The following ZNF174 variants were observed in gnomAD, a reference collection of about 807,000 sequenced individuals.
ZNF174 encodes the protein AW-1.
Under a neutral mutation model 38.7 loss-of-function variants are expected in ZNF174, and 30 were observed. That is an observed-to-expected ratio of 0.78 (90% CI 0.58 to 1.05). The LOEUF (loss-of-function observed/expected upper bound fraction) is 1.05, where lower values mean the gene tolerates loss of function less well. Ranked by LOEUF, ZNF174 falls within the 50% of genes least tolerant of loss-of-function variation. ZNF174 has a pLI of 0.00. For synonymous variants in ZNF174, 201 were observed against 181.7 expected (o/e 1.11, Z -0.86); for missense variants, 499 against 495.6 (o/e 1.01, Z -0.06).
intron 1 of ZNF174, among the ~76,000 whole-genome samples, chr16:3,403,712 C>T (rs1002508974): frequency 1.3e-5 from 2 of 152,042 alleles, no homozygotes; most frequent in African/African-American, 2.4e-5. Flanking sequence ...TTGAACTCTT[C>T]TTGGGCCCAG....
chr16:3,407,633 G>A (rs771971073), intron 2 of ZNF174, among the ~76,000 whole-genome samples: 8 of 152,298 alleles, frequency 5.3e-5, no homozygotes, highest in African/African-American at 9.6e-5. Flanking sequence ...GTGCATGCAC[G>A]TGTGCACACA....
intron 2 of ZNF174, among the ~76,000 whole-genome samples, chr16:3,406,205 A>AGATTTTTGGGTTGTTTCT (rs2034053288): frequency 6.6e-6 from 1 of 152,194 alleles, no homozygotes; most frequent in African/African-American, 2.4e-5. Context: ...ATCTGTTCAT[A>AGATTTTTGGGTTGTTTCT]GATTTTTGGG....
rs746016233 is a variant in ZNF174 at position 3,404,620 on chromosome 16, A to C, written c.597A>C (p.Gln199His). ...ATTGGGAGAAATCCCCACTCCTCCA[A>C]GAACCAACCCCCAAATTGGCTGGGA... The part of the protein sequence containing the change: ...PHHWEKSPLL[Q>H]EPTPKLAGTE... Residue 199 changes from glutamine to histidine, a missense_variant, in exon 2 of 3, where the codon CAA becomes CAC. Transcript: ENST00000268655. The C allele has an allele frequency of 1.5e-5, 25 of 1,614,136 alleles. No homozygotes were observed. Among genetic ancestry groups the C allele is most frequent in the South Asian group, 9.9e-5 (9 of 91,092 alleles).
In ZNF174 at chr16:3,408,576, TGA is replaced by T; in HGVS notation, c.887_888del (p.Glu296AlafsTer8). 1 of 1,614,076 alleles carries T rather than the reference TGA, an allele frequency of 6.2e-7. No individual in the cohort carries two copies. The highest frequency in any genetic ancestry group is 8.5e-7 in the Non-Finnish European group (1 of 1,180,022). The stretch of plus-strand genomic sequence containing the variant: ...AGCAGCCCCCTAAAAAGCCACCCAC[TGA>T]GAGAGCTAAAGAAAAGCAAAGGAGG... On this transcript the variant is annotated frameshift_variant, in exon 3 of 3. Transcript: ENST00000268655. LOFTEE classifies it high-confidence loss of function.
At chr16:3,405,187 C>T in intron 2 of ZNF174, 1 of 1,074,048 alleles carries the variant, frequency 9.3e-7, no homozygotes. Flanking sequence ...GACATTTTGG[C>T]CAAGCCTGGT....
intron 2 of ZNF174, chr16:3,404,986 T>G (rs748431605): frequency 6.2e-7 from 1 of 1,614,052 alleles, no homozygotes; most frequent in African/African-American, 1.3e-5. Flanking sequence ...TTTCATTGCT[T>G]AAAATGCTCC....
At chr16:3,404,329 A>G (rs1225170515) in intron 1 of ZNF174, 97 bp from the exon 2 acceptor site, 3 of 1,271,818 alleles carry the variant, frequency 2.4e-6, no homozygotes, top group Non-Finnish European at 3.3e-6. Context: ...GATGGTTATC[A>G]GCAATTCCCA....
Position 3,402,155 on chromosome 16 carries a change from C to G in ZNF174, c.151C>G (p.Arg51Gly), listed in dbSNP as rs189561191. The change falls in exon 1 of 3, where the codon CGC becomes GGC. Residue 51 changes from arginine (R) to glycine (G), a missense_variant. Coordinates refer to ENST00000268655, the MANE Select transcript of ZNF174 (RefSeq NM_003450.3). ...DPELCRQSFR[R>G]FCYQEVSGPQ... ...TGAGCTCTGCCGCCAGAGCTTCAGA[C>G]GCTTTTGTTATCAAGAGGTGTCTGG... 6 of 1,614,180 alleles carry G rather than the reference C, an allele frequency of 3.7e-6. No individual in the cohort carries two copies. The highest frequency in any genetic ancestry group is 5.1e-6 in the Non-Finnish European group (6 of 1,180,044).
Position 3,401,916 on chromosome 16 carries a change from A to G in ZNF174, c.-89A>G. On this transcript the variant is annotated 5_prime_UTR_variant, in exon 1 of 3. Transcript: ENST00000268655. The stretch of plus-strand genomic sequence containing the variant: ...TCCTCAGAGAACCTTCGTTTCTAGA[A>G]TCTTTCTAGTATTCAGAGACTTCTC... 4.7e-6 allele frequency: 7 copies of G among 1,490,674 alleles called. No individual in the cohort carries two copies. Among genetic ancestry groups the G allele is most frequent in the Non-Finnish European group, 6.3e-6 (7 of 1,103,690 alleles). 92.3% of individuals were successfully genotyped at this position (1,490,674 alleles called of 1,614,324 possible). A position where few individuals can be genotyped will look rare whatever the true frequency, so the allele number is the denominator to read the frequency against.
intron 1 of ZNF174, 95 bp from the exon 2 acceptor site, chr16:3,404,331 C>G (rs1375684855): frequency 3.1e-6 from 4 of 1,287,044 alleles, no homozygotes; most frequent in East Asian, 4.7e-5. Context: ...TGGTTATCAG[C>G]AATTCCCAAG....
rs76346800 is a variant in ZNF174, at chr16:3,404,394, G to A, written c.403-32G>A. On this transcript the variant is annotated intron_variant, in intron 1 of 2. Coordinates refer to ENST00000268655, the MANE Select transcript of ZNF174 (RefSeq NM_003450.3). ...AGATCAAGCTTCCCTCAGTCCTGAT[G>A]GATGGAATTAATGGATGGGGCTTGT... 0.017 allele frequency: 25,893 copies of A among 1,564,838 alleles called. 280 individuals are homozygous for A. Among genetic ancestry groups the A allele is most frequent in the Non-Finnish European group, 0.021 (24,042 of 1,152,946 alleles).
Position 3,401,672 on chromosome 16 carries a change from G to C in ZNF174, c.-333G>C. 3.9e-6 allele frequency: 1 copy of C among 257,986 alleles called. No homozygotes were observed. The highest frequency in any genetic ancestry group is 1.4e-4 in the East Asian group (1 of 7,192). 16.0% of individuals were successfully genotyped at this position (257,986 alleles called of 1,614,324 possible). ...CTCCACCCGCCGGTTAGAGCGTATT[G>C]CTCATTAAATCCGAGACCTGTGTGC... On this transcript the variant is annotated 5_prime_UTR_variant, in exon 1 of 3. Coordinates refer to ENST00000268655, the MANE Select transcript of ZNF174 (RefSeq NM_003450.3).
In ZNF174 at chr16:3,408,657, CA is replaced by C; in HGVS notation, c.963del (p.Ala322GlnfsTer20). 6.2e-7 allele frequency: 1 copy of C among 1,614,158 alleles called. No homozygotes were observed. Among genetic ancestry groups the C allele is most frequent in the Non-Finnish European group, 8.5e-7 (1 of 1,180,028 alleles). On this transcript the variant is annotated frameshift_variant, in exon 3 of 3. Coordinates refer to ENST00000268655, the MANE Select transcript of ZNF174 (RefSeq NM_003450.3). LOFTEE classifies it high-confidence loss of function. ...CATCTTGGTCACCAGCCCACCCGCTCAGCAAAGAAACCCTACAAATGTGATG... is the reference window on the plus strand; with the variant it reads ...CATCTTGGTCACCAGCCCACCCGCTCGCAAAGAAACCCTACAAATGTGATG... ...LQHLGHQPTR[S>X]AKKPYKCDDC...
chr16:3,407,094 T>C (rs973590054), intron 2 of ZNF174, among the ~76,000 whole-genome samples: 3 of 152,248 alleles, frequency 2.0e-5, no homozygotes, highest in Non-Finnish European at 4.4e-5. Context: ...AGTTCCTGGA[T>C]ACTGGGAAGT....
chr16:3,407,983 G>C (rs1025426092), intron 2 of ZNF174, among the ~76,000 whole-genome samples: 2 of 152,136 alleles, frequency 1.3e-5, no homozygotes, highest in East Asian at 3.9e-4. Flanking sequence ...ATTCTGATGG[G>C]TTTGCTTTTC....
rs1324562921 is a variant in ZNF174, at chr16:3,409,167, G to GC, written c.*249dup. On this transcript the variant is annotated 3_prime_UTR_variant, in exon 3 of 3. Transcript: ENST00000268655. ...AAGAGAACTTAAGTCTCTGCAGAGA[G>GC]CAAGGAGTAACTACTGAGAGAGAAT... is the stretch of plus-strand genomic sequence containing the variant. The GC allele has an allele frequency of 2.0e-6, 1 of 497,292 alleles. No individual in the cohort carries two copies. Among genetic ancestry groups the GC allele is most frequent in the African/African-American group, 1.9e-5 (1 of 52,194 alleles). The allele number at this position is 497,292 out of a possible 1,614,324, so 30.8% of individuals were successfully genotyped here. A position where few individuals can be genotyped will look rare whatever the true frequency, so the allele number is the denominator to read the frequency against.
chr16:3,403,691 C>T (rs898856651), intron 1 of ZNF174, among the ~76,000 whole-genome samples: 2 of 152,032 alleles, frequency 1.3e-5, no homozygotes, highest in South Asian at 2.1e-4. Context: ...TCCACATTGC[C>T]CAGGCTGGTC....
intron 1 of ZNF174, 140 bp downstream of exon 1, chr16:3,402,546 C>T: frequency 1.2e-6 from 1 of 858,156 alleles, no homozygotes; most frequent in Non-Finnish European, 1.7e-6. Context: ...GCAAGCTCCG[C>T]CTCCCGGGTT....
intron 2 of ZNF174, among the ~76,000 whole-genome samples, chr16:3,405,857 A>C (rs1319975168): frequency 6.6e-6 from 1 of 152,192 alleles, no homozygotes; most frequent in Admixed American, 6.5e-5. Flanking sequence ...AAATGCAAAA[A>C]TTAGCGGGGC....
Sources: gnomAD v4.1 joint callset for allele counts (sites outside exome capture counted in the v4.1 genomes callset) on GRCh38, gnomAD v4.1.1 for gene constraint, MANE v1.5 for transcripts, NCBI Gene and HGNC (gene_info 2026-07-23, HGNC 2026-07-21) for gene names.